The following DMXL2 variants were observed in gnomAD, a reference collection of about 807,000 sequenced individuals.
DMXL2 encodes the protein Dmx like 2.
In DMXL2, 103 loss-of-function variants were observed where a neutral mutation model predicts 331.1. The observed-to-expected ratio is 0.31, with a 90% CI of 0.27 to 0.37. The LOEUF is 0.37. Among genes scored for constraint, DMXL2 ranks in the 10% least tolerant of loss-of-function variants. DMXL2 has a pLI of 1.00. For synonymous variants in DMXL2, 1,281 were observed against 1,252.1 expected, an observed-to-expected ratio of 1.02 and a Z score of -0.49; for missense variants, 3,171 against 3,642.9, an observed-to-expected ratio of 0.87 and a Z score of 3.33.
At chr15:51,465,969 G>A (rs1223165889) in intron 30 of DMXL2, among the ~76,000 whole-genome samples, 1 of 152,020 alleles carries the variant, frequency 6.6e-6, no homozygotes, top group East Asian at 1.9e-4. Context: ...CACTAAAGAT[G>A]CTTGTGTTTG....
chr15:51,542,587 G>A, intron 8 of DMXL2, 80 bp from the exon 9 acceptor site: 1 of 1,104,256 alleles, frequency 9.1e-7, no homozygotes, highest in African/African-American at 1.6e-5. Flanking sequence ...ATTATTAAGA[G>A]GTTTAAGATT....
At chr15:51,555,324 G>A (rs569699305) in intron 6 of DMXL2, among the ~76,000 whole-genome samples, 2 of 152,284 alleles carry the variant, frequency 1.3e-5, no homozygotes, top group East Asian at 3.9e-4. Flanking sequence ...GAAGTAAGCA[G>A]ATTGTGGATA....
Position 51,449,205 on chromosome 15 carries a change from C to T in DMXL2, c.8968-12G>A, listed in dbSNP as rs2038916810. The T allele has an allele frequency of 1.9e-6, 3 of 1,613,208 alleles. No homozygotes were observed. Among genetic ancestry groups the T allele is most frequent in the South Asian group, 2.2e-5 (2 of 91,070 alleles). ...GTCAATCTCCAAACCTAGTGCAAAA[C>T]AAAAGGAGTTAAAAATATATTACGA... is the stretch of plus-strand genomic sequence containing the variant. On this transcript the variant is annotated splice_polypyrimidine_tract_variant and intron_variant, in intron 43 of 43. Transcript: ENST00000560891.
chr15:51,568,235 G>C (rs2050422596), intron 3 of DMXL2: 1 of 345,020 alleles, frequency 2.9e-6, no homozygotes, highest in East Asian at 5.7e-5. Flanking sequence ...AATAACAGTA[G>C]TTCAAACTAG....
chr15:51,466,413 T>C (rs1415836807), intron 29 of DMXL2, 102 bp from the exon 30 acceptor site: 1 of 387,840 alleles, frequency 2.6e-6, no homozygotes, highest in Non-Finnish European at 3.8e-6. Flanking sequence ...TAGAAAATAT[T>C]TTTAGTATAT....
chr15:51,591,570 TG>T (rs1219109990), intron 1 of DMXL2, among the ~76,000 whole-genome samples: 1 of 152,162 alleles, frequency 6.6e-6, no homozygotes, highest in African/African-American at 2.4e-5. Flanking sequence ...CTGACAGCCT[TG>T]AAGAGAGCAG....
intron 1 of DMXL2, among the ~76,000 whole-genome samples, chr15:51,594,959 A>G (rs1342315504): frequency 1.3e-5 from 2 of 152,246 alleles, no homozygotes; most frequent in Admixed American, 1.3e-4. Flanking sequence ...ATCACAGCCA[A>G]TATCATAGTG....
intron 22 of DMXL2, 80 bp downstream of exon 22, chr15:51,487,874 A>G: frequency 7.8e-7 from 1 of 1,274,940 alleles, no homozygotes; most frequent in Non-Finnish European, 1.0e-6. Context: ...ACATATGACC[A>G]AAAGTTACAA....
intron 13 of DMXL2, among the ~76,000 whole-genome samples, chr15:51,526,632 G>T (rs893430305): frequency 6.6e-6 from 1 of 152,142 alleles, no homozygotes; most frequent in African/African-American, 2.4e-5. Flanking sequence ...CTGTTTTGAG[G>T]AAACTCAAAG....
intron 1 of DMXL2, among the ~76,000 whole-genome samples, chr15:51,614,268 G>A: frequency 6.6e-6 from 1 of 152,078 alleles, no homozygotes; most frequent in East Asian, 1.9e-4. Context: ...CTCCAGAACT[G>A]TGAGGAAAAA....
At chr15:51,592,954 A>C (rs962750295) in intron 1 of DMXL2, among the ~76,000 whole-genome samples, 5 of 152,260 alleles carry the variant, frequency 3.3e-5, no homozygotes, top group Admixed American at 3.3e-4. Flanking sequence ...CAGCCACTGT[A>C]AAAACATGCC....
At chr15:51,575,274 G>C (rs2050945752) in intron 2 of DMXL2, among the ~76,000 whole-genome samples, 1 of 152,028 alleles carries the variant, frequency 6.6e-6, no homozygotes, top group African/African-American at 2.4e-5. Flanking sequence ...TGAATATTCT[G>C]ATTTAACATA....
chr15:51,475,211 G>A (rs778458061), intron 27 of DMXL2, among the ~76,000 whole-genome samples: 3 of 152,088 alleles, frequency 2.0e-5, no homozygotes, highest in Non-Finnish European at 4.4e-5. Flanking sequence ...AAAAATCAGG[G>A]CTGGGCACGG....
intron 6 of DMXL2, among the ~76,000 whole-genome samples, chr15:51,552,413 A>C (rs1287756720): frequency 1.3e-5 from 2 of 152,206 alleles, no homozygotes; most frequent in Non-Finnish European, 2.9e-5. Context: ...CATGGACTTC[A>C]AAAACCTTAG....
rs1230976423 is a variant in DMXL2 at position 51,536,328 on chromosome 15, G to A, written c.2152C>T (p.Pro718Ser). The change falls in exon 12 of 44, where the codon CCA becomes TCA. Residue 718 changes from proline (P) to serine (S), a missense_variant. Around this residue, in one of 7 missense-constraint regions of DMXL2, gnomAD observed 1,674 missense variants for 1,780.2 expected, o/e 0.94. Coordinates refer to ENST00000560891, the MANE Select transcript of DMXL2 (RefSeq NM_001378457.1). The part of the protein sequence containing the change: ...RNAATRTFHD[P>S]NAIYSELILW... The stretch of plus-strand genomic sequence containing the variant: ...ATAAGTTCACTGTAGATTGCATTTG[G>A]GTCATGAAATGTACGAGTTGCTGCA... The A allele has an allele frequency of 6.2e-7, 1 of 1,613,990 alleles. No individual in the cohort carries two copies. The highest frequency in any genetic ancestry group is 8.5e-7 in the Non-Finnish European group (1 of 1,179,952).
In DMXL2 at chr15:51,536,734, CT is replaced by C; in HGVS notation, c.1745del (p.Glu582GlyfsTer5). The C allele has an allele frequency of 6.2e-7, 1 of 1,614,054 alleles. No homozygotes were observed. The highest frequency in any genetic ancestry group is 8.5e-7 in the Non-Finnish European group (1 of 1,179,986). ...KDSHHTLLHQ[E>X]GMSVGSPHGS... ...CGTGAGGACTGCCTACAGACATCCC[CT>C]CCTGGTGTAACAGCGTGTGGTGAGA... is the stretch of plus-strand genomic sequence containing the variant. On this transcript the variant is annotated frameshift_variant, in exon 12 of 44. Coordinates refer to ENST00000560891, the MANE Select transcript of DMXL2 (RefSeq NM_001378457.1). LOFTEE classifies it high-confidence loss of function.
intron 1 of DMXL2, among the ~76,000 whole-genome samples, chr15:51,610,094 G>GT (rs2053859880): frequency 6.6e-6 from 1 of 152,100 alleles, no homozygotes; most frequent in African/African-American, 2.4e-5. Context: ...AAAAGTTGAA[G>GT]TAAAAAGATA....
chr15:51,563,567 G>T, intron 5 of DMXL2, 120 bp from the exon 6 acceptor site: 1 of 560,524 alleles, frequency 1.8e-6, no homozygotes, highest in Non-Finnish European at 3.0e-6. Flanking sequence ...GACTGTTTTT[G>T]CTTCCCTAAA....
intron 1 of DMXL2, among the ~76,000 whole-genome samples, chr15:51,607,972 G>A (rs2053704149): frequency 1.3e-5 from 2 of 152,112 alleles, no homozygotes; most frequent in Admixed American, 1.3e-4. Flanking sequence ...GACTGCTTGA[G>A]GTCAGGAGTT....
Sources: gnomAD v4.1 joint callset for allele counts (sites outside exome capture counted in the v4.1 genomes callset) on GRCh38, gnomAD v4.1.1 for gene constraint, gnomAD v4.1.1 regional missense constraint, MANE v1.5 for transcripts, NCBI Gene and HGNC (gene_info 2026-07-23, HGNC 2026-07-21) for gene names.